The following TMEM232 variants were observed in gnomAD, a reference collection of about 807,000 sequenced individuals.
TMEM232 encodes transmembrane protein 232.
A neutral mutation model predicts 78.8 loss-of-function variants in TMEM232; 80 were observed. The observed-to-expected ratio is 1.01, with a 90% CI of 0.85 to 1.22. The LOEUF is 1.22. Ranked by LOEUF, TMEM232 falls within the 50% of genes most tolerant of loss-of-function variation. TMEM232 has a pLI of 0.00. For synonymous variants in TMEM232, 297 were observed against 254.3 expected (o/e 1.17, Z -1.60); for missense variants, 881 against 742.2 (o/e 1.19, Z -2.17).
intron 12 of TMEM232, among the ~76,000 whole-genome samples, chr5:110,439,503 G>C (rs767148830): frequency 6.6e-6 from 1 of 151,914 alleles, no homozygotes; most frequent in Non-Finnish European, 1.5e-5. Flanking sequence ...TCAAGGGCAG[G>C]CTCCAGGGTC....
At chr5:110,737,449 T>C (rs891028079) in intron 1 of TMEM232, among the ~76,000 whole-genome samples, 3 of 152,190 alleles carry the variant, frequency 2.0e-5, no homozygotes, top group Non-Finnish European at 4.4e-5. Flanking sequence ...CAGTTTTTGA[T>C]ACATAGTGCC....
chr5:110,518,584 CTA>C (rs896768389), intron 12 of TMEM232, among the ~76,000 whole-genome samples: 2 of 152,120 alleles, frequency 1.3e-5, no homozygotes, highest in Non-Finnish European at 2.9e-5. Flanking sequence ...AACCCCAAAT[CTA>C]TATGTCTTCC....
intron 12 of TMEM232, among the ~76,000 whole-genome samples, chr5:110,499,276 C>G (rs1045042666): frequency 1.5e-4 from 23 of 152,022 alleles, no homozygotes; most frequent in African/African-American, 5.3e-4. Flanking sequence ...TTTAATAAAG[C>G]CTGTTGTCTA....
At chr5:110,588,535 C>T (rs752267755) in intron 10 of TMEM232, among the ~76,000 whole-genome samples, 1 of 152,144 alleles carries the variant, frequency 6.6e-6, no homozygotes, top group Middle Eastern at 3.4e-3. Context: ...GAGATGACAG[C>T]AGGGTGGAGA....
intron 1 of TMEM232, among the ~76,000 whole-genome samples, chr5:110,694,856 G>A (rs189438358): frequency 6.6e-6 from 1 of 152,124 alleles, no homozygotes; most frequent in Admixed American, 6.6e-5. Flanking sequence ...AATAATGGGA[G>A]ACTTTAACAC....
At chr5:110,517,636 G>C (rs1182502557) in intron 12 of TMEM232, among the ~76,000 whole-genome samples, 2 of 152,106 alleles carry the variant, frequency 1.3e-5, no homozygotes, top group African/African-American at 4.8e-5. Context: ...TGGTGCAGTG[G>C]GAATGCTGCT....
chr5:110,464,669 G>A (rs1761886905), intron 12 of TMEM232, among the ~76,000 whole-genome samples: 1 of 152,126 alleles, frequency 6.6e-6, no homozygotes, highest in South Asian at 2.1e-4. Context: ...TAAGTTTATG[G>A]GAAAAGCTGT....
rs1184267715 is a variant in TMEM232, at chr5:110,525,678, A to T, written c.1703+2910T>A. Among the ~76,000 whole-genome samples the T allele has an allele frequency of 2.6e-5, 4 of 151,852 alleles. No individual in the cohort carries two copies. The East Asian group carries it at 7.7e-4, about 29-fold the overall frequency. ...ACAACTAGATTGTTAGAAGTAGACA[A>T]GCTAATTCTAAATTTGATATAAAAA... On this transcript the variant is annotated intron_variant, in intron 12 of 13. Coordinates refer to ENST00000455884, the MANE Select transcript of TMEM232 (RefSeq NM_001039763.4).
chr5:110,509,009 T>C (rs1183029280), intron 12 of TMEM232, among the ~76,000 whole-genome samples: 2 of 142,914 alleles, frequency 1.4e-5, no homozygotes, highest in Admixed American at 1.4e-4. Context: ...TATATATATA[T>C]GTATATATAT....
chr5:110,610,240 A>AAGGAAGGGAGGAAGGAAGGG (rs1554057533), intron 8 of TMEM232, among the ~76,000 whole-genome samples: 1 of 70,122 alleles, frequency 1.4e-5, no homozygotes, highest in Admixed American at 1.7e-4. Context: ...AAAAGAAAGG[A>AAGGAAGGGAGGAAGGAAGGG]AGGAAGGGAG....
At chr5:110,521,910 T>C (rs10039738) in intron 12 of TMEM232, among the ~76,000 whole-genome samples, 17,059 of 152,174 alleles carry the variant, frequency 0.11, 1,256 homozygotes, top group South Asian at 0.2. Context: ...ACAGGTATAT[T>C]CTTCCTTCTC....
intron 1 of TMEM232, among the ~76,000 whole-genome samples, chr5:110,706,739 TAAAG>T (rs1475945389): frequency 6.6e-6 from 1 of 152,150 alleles, no homozygotes; most frequent in Admixed American, 6.6e-5. Flanking sequence ...CAAGAGCGCC[TAAAG>T]AAATAATCCC....
chr5:110,490,971 A>G (rs1248725457), intron 12 of TMEM232, among the ~76,000 whole-genome samples: 2 of 152,126 alleles, frequency 1.3e-5, no homozygotes, highest in Non-Finnish European at 2.9e-5. Flanking sequence ...ACACAAAATA[A>G]ATAAATTTCA....
intron 12 of TMEM232, among the ~76,000 whole-genome samples, chr5:110,435,115 G>C (rs1258524705): frequency 6.6e-6 from 1 of 151,794 alleles, no homozygotes; most frequent in East Asian, 1.9e-4. Flanking sequence ...ATTTAAATAA[G>C]AAAAGAGAAA....
chr5:110,428,037 ATT>A (rs1320465639), intron 12 of TMEM232, among the ~76,000 whole-genome samples: 1 of 151,850 alleles, frequency 6.6e-6, no homozygotes, highest in Non-Finnish European at 1.5e-5. Flanking sequence ...CAATTAAGTT[ATT>A]GTTAACTATA....
upstream of TMEM232, among the ~76,000 whole-genome samples, chr5:110,731,624 T>A (rs577922582): frequency 0.029 from 4,350 of 152,320 alleles, 211 homozygotes; most frequent in African/African-American, 0.099. Flanking sequence ...GCCCAAGCTC[T>A]ACACTGGCCC....
rs189504745 is a variant in TMEM232, at chr5:110,520,925, T to C, written c.1703+7663A>G. On this transcript the variant is annotated intron_variant, in intron 12 of 13. Transcript: ENST00000455884. ...AAGTGCAAAACTCCATTTCAAAAAA[T>C]AATAATAGAATAATGATCTGCTGTT... is the stretch of plus-strand genomic sequence containing the variant. Among the ~76,000 whole-genome samples, 416 of 151,924 alleles carry C rather than the reference T, an allele frequency of 2.7e-3. 2 individuals carry two copies. Among genetic ancestry groups the C allele is most frequent in the African/African-American group, 9.1e-3 (377 of 41,388 alleles).
intron 3 of TMEM232, among the ~76,000 whole-genome samples, chr5:110,392,165 G>T (rs577205215): frequency 6.6e-6 from 1 of 152,292 alleles, no homozygotes; most frequent in East Asian, 1.9e-4. Flanking sequence ...TGATCAACTT[G>T]GGGTTGCTAA....
intron 12 of TMEM232, among the ~76,000 whole-genome samples, chr5:110,474,746 C>A (rs928531603): frequency 7.2e-5 from 11 of 151,780 alleles, no homozygotes; most frequent in Non-Finnish European, 1.5e-5. Flanking sequence ...ATTGCTATTT[C>A]TTTGTATTAG....
Sources: allele counts gnomAD v4.1 joint callset (sites outside exome capture counted in the v4.1 genomes callset), GRCh38; gene constraint gnomAD v4.1.1; transcripts MANE v1.5; gene names NCBI Gene and HGNC (gene_info 2026-07-23, HGNC 2026-07-21).